Variants in CERT1 observed in about 807,000 individuals in gnomAD.
CERT1 encodes ceramide transfer protein.
In CERT1, 31 loss-of-function variants were observed where a neutral mutation model predicts 87.9. The ratio of observed to expected loss-of-function variants is 0.35; its 90% CI spans 0.27 to 0.48. The LOEUF (loss-of-function observed/expected upper bound fraction) is 0.48, where lower values mean the gene tolerates loss of function less well. Ranked by LOEUF, CERT1 falls within the 20% of genes least tolerant of loss-of-function variation. The pLI, the probability that CERT1 is intolerant of heterozygous loss-of-function variation, is 0.99. For synonymous variants in CERT1, 289 were observed against 250.9 expected, an observed-to-expected ratio of 1.15 and a Z score of -1.44; for missense variants, 487 against 758.0, an observed-to-expected ratio of 0.64 and a Z score of 4.20.
intron 7 of CERT1, among the ~76,000 whole-genome samples, chr5:75,412,192 T>C (rs1010622107): frequency 6.6e-6 from 1 of 152,198 alleles, no homozygotes; most frequent in Non-Finnish European, 1.5e-5. Context: ...TTCTTTTTTT[T>C]ACCTTGTCCA....
intron 16 of CERT1, 120 bp from the exon 17 acceptor site, chr5:75,379,593 T>C (rs913155015): frequency 1.2e-5 from 11 of 944,108 alleles, no homozygotes; most frequent in Middle Eastern, 2.2e-4. Context: ...AGCATCTTTT[T>C]TTTTTCTTTT....
At chr5:75,413,878 G>T (rs777444706) in intron 7 of CERT1, among the ~76,000 whole-genome samples, 1 of 152,072 alleles carries the variant, frequency 6.6e-6, no homozygotes, top group Non-Finnish European at 1.5e-5. Context: ...ATACCCCTAT[G>T]AATCAAGAAG....
rs141570187 is a variant in CERT1 at position 75,426,203 on chromosome 5, CTA to C, written c.456+166_456+167del. On this transcript the variant is annotated intron_variant, in intron 4 of 16. Coordinates refer to ENST00000643780, the MANE Select transcript of CERT1 (RefSeq NM_001379029.1). ...AATAAAATCAGTGACATGTGTTCAT[CTA>C]TATGAGTTATTATTTTATACCTTAA... is the stretch of plus-strand genomic sequence containing the variant. Among the ~76,000 whole-genome samples, 12 of 152,248 alleles carry C rather than the reference CTA, an allele frequency of 7.9e-5. No individual in the cohort carries two copies. In the East Asian group the frequency reaches 1.7e-3, roughly 22 times the overall value.
intron 2 of CERT1, among the ~76,000 whole-genome samples, chr5:75,501,104 C>T (rs1193492540): frequency 6.6e-6 from 1 of 151,892 alleles, no homozygotes; most frequent in Non-Finnish European, 1.5e-5. Context: ...ACCTCAGCCT[C>T]CAAAGAAGCT....
intron 2 of CERT1, among the ~76,000 whole-genome samples, chr5:75,465,756 G>A (rs1361310825): frequency 6.6e-6 from 1 of 152,196 alleles, no homozygotes; most frequent in African/African-American, 2.4e-5. Flanking sequence ...TTCTCCTGCT[G>A]CCAGCACTAT....
chr5:75,477,799 CTA>C, intron 2 of CERT1, among the ~76,000 whole-genome samples: 1 of 151,922 alleles, frequency 6.6e-6, no homozygotes, highest in Middle Eastern at 3.4e-3. Context: ...TACCTCTAAA[CTA>C]TATGAGTAGA....
intron 3 of CERT1, among the ~76,000 whole-genome samples, chr5:75,449,071 T>C (rs1055672636): frequency 7.2e-5 from 11 of 152,188 alleles, no homozygotes; most frequent in African/African-American, 2.2e-4. Flanking sequence ...CTGCCAATCC[T>C]ACCCCTTCCT....
chr5:75,498,976 T>C (rs559561001), intron 2 of CERT1, among the ~76,000 whole-genome samples: 45 of 152,140 alleles, frequency 3.0e-4, no homozygotes, highest in Non-Finnish European at 5.9e-4. Flanking sequence ...CTGCCCAAGG[T>C]GGTGGGAGCC....
At chr5:75,396,572 A>G (rs1762262164) in intron 11 of CERT1, among the ~76,000 whole-genome samples, 1 of 151,446 alleles carries the variant, frequency 6.6e-6, no homozygotes, top group African/African-American at 2.4e-5. Flanking sequence ...ACTAAAAATG[A>G]AAAAAAATTA....
intron 2 of CERT1, among the ~76,000 whole-genome samples, chr5:75,490,624 G>A (rs1313844787): frequency 2.0e-5 from 3 of 151,618 alleles, no homozygotes; most frequent in African/African-American, 4.8e-5. Context: ...TCAGCCTCCC[G>A]AGTAGCTGGG....
chr5:75,371,186 T>C (rs1328794309), intron 17 of CERT1: 1 of 152,172 alleles, frequency 6.6e-6, no homozygotes, highest in Non-Finnish European at 1.5e-5. Context: ...TCCAACTTTA[T>C]TGTGTTTAAA....
At chr5:75,470,004 A>G (rs896708542) in intron 2 of CERT1, among the ~76,000 whole-genome samples, 3 of 152,190 alleles carry the variant, frequency 2.0e-5, no homozygotes, top group Non-Finnish European at 4.4e-5. Context: ...CAGCAAGAGG[A>G]TATCACAATT....
chr5:75,399,473 A>G (rs2112078848), intron 10 of CERT1, 86 bp from the exon 11 acceptor site: 2 of 945,950 alleles, frequency 2.1e-6, no homozygotes, highest in East Asian at 5.0e-5. Context: ...ACACAAGATA[A>G]AGGGAAGAGA....
intron 2 of CERT1, among the ~76,000 whole-genome samples, chr5:75,488,683 T>C (rs1179607887): frequency 6.6e-6 from 1 of 152,150 alleles, no homozygotes; most frequent in Non-Finnish European, 1.5e-5. Context: ...TTGCCTTCTT[T>C]CTTAATTTTG....
chr5:75,419,550 A>G, intron 5 of CERT1, 126 bp from the exon 6 acceptor site: 2 of 657,846 alleles, frequency 3.0e-6, no homozygotes, highest in South Asian at 2.0e-5. Flanking sequence ...TCATCTTTGT[A>G]TTTTCACTGG....
At chr5:75,436,492 G>T (rs528963834) in intron 3 of CERT1, among the ~76,000 whole-genome samples, 87 of 152,190 alleles carry the variant, frequency 5.7e-4, no homozygotes, top group Admixed American at 4.1e-3. Context: ...ACTGGTTTTG[G>T]TAAAGGTTTC....
chr5:75,487,744 A>G (rs1766592162), intron 2 of CERT1, among the ~76,000 whole-genome samples: 1 of 152,094 alleles, frequency 6.6e-6, no homozygotes, highest in African/African-American at 2.4e-5. Flanking sequence ...CACTAATGAC[A>G]GAAATGCAAC....
intron 2 of CERT1, among the ~76,000 whole-genome samples, chr5:75,473,710 T>C (rs1036290445): frequency 1.3e-5 from 2 of 152,154 alleles, no homozygotes; most frequent in African/African-American, 4.8e-5. Flanking sequence ...TCTTGAAAAA[T>C]GCTGAGAGTG....
intron 11 of CERT1, among the ~76,000 whole-genome samples, chr5:75,397,697 GATTC>G (rs1359289662): frequency 6.6e-6 from 1 of 152,184 alleles, no homozygotes; most frequent in African/African-American, 2.4e-5. Context: ...TTTTGTCACA[GATTC>G]ATTATGAATA....
Sources: gnomAD v4.1 joint callset for allele counts (sites outside exome capture counted in the v4.1 genomes callset) on GRCh38, gnomAD v4.1.1 for gene constraint, MANE v1.5 for transcripts, NCBI Gene and HGNC (gene_info 2026-07-23, HGNC 2026-07-21) for gene names.